Variants in ZNF521 observed in about 807,000 individuals in gnomAD.
ZNF521 encodes the protein zinc finger protein 521, also known as LYST-interacting protein 3.
A neutral mutation model predicts 105.5 loss-of-function variants in ZNF521; 14 were observed. The ratio of observed to expected loss-of-function variants is 0.13; its 90% CI spans 0.09 to 0.21. The LOEUF (loss-of-function observed/expected upper bound fraction) is 0.21, where lower values mean the gene tolerates loss of function less well. Ranked by LOEUF, ZNF521 falls within the 10% of genes least tolerant of loss-of-function variation. ZNF521 has a pLI of 1.00. For missense variants in ZNF521, 1,233 were observed against 1,629.7 expected, an observed-to-expected ratio of 0.76 and a Z score of 4.19; for synonymous variants, 635 against 606.0, an observed-to-expected ratio of 1.05 and a Z score of -0.70.
At chr18:25,163,511 C>T (rs1274392681) in intron 5 of ZNF521, among the ~76,000 whole-genome samples, 9 of 152,130 alleles carry the variant, frequency 5.9e-5, no homozygotes, top group Admixed American at 5.2e-4. Context: ...AGTGTGAGGG[C>T]TGCAGAGCAG....
intron 3 of ZNF521, among the ~76,000 whole-genome samples, chr18:25,238,899 A>G (rs968956614): frequency 6.6e-6 from 1 of 152,048 alleles, no homozygotes; most frequent in African/African-American, 2.4e-5. Flanking sequence ...TTTTTTAGCA[A>G]GTTTCCTGAG....
chr18:25,068,864 A>C (rs1346743739), intron 7 of ZNF521, among the ~76,000 whole-genome samples: 1 of 152,184 alleles, frequency 6.6e-6, no homozygotes, highest in Non-Finnish European at 1.5e-5. Flanking sequence ...ACACAAAGCG[A>C]GCTGGGCACC....
At chr18:25,170,198 A>G (rs540210781) in intron 5 of ZNF521, among the ~76,000 whole-genome samples, 1 of 152,222 alleles carries the variant, frequency 6.6e-6, no homozygotes. Flanking sequence ...TCAAGTCACA[A>G]AACCAACCTT....
intron 6 of ZNF521, among the ~76,000 whole-genome samples, chr18:25,090,645 C>T (rs2033724369): frequency 1.3e-5 from 2 of 152,156 alleles, no homozygotes; most frequent in Admixed American, 1.3e-4. Context: ...TCCGTATCAA[C>T]AAGAAGAAAT....
chr18:25,152,743 T>C (rs554287619), intron 5 of ZNF521, among the ~76,000 whole-genome samples: 2 of 152,306 alleles, frequency 1.3e-5, no homozygotes, highest in Non-Finnish European at 2.9e-5. Flanking sequence ...TGCAGATAGG[T>C]CTGAGATCTG....
chr18:25,282,380 C>T (rs1009615167), intron 3 of ZNF521, among the ~76,000 whole-genome samples: 28 of 152,110 alleles, frequency 1.8e-4, no homozygotes, highest in African/African-American at 6.0e-4. Context: ...ACCAGTGCGT[C>T]GGGCCACTAG....
intron 4 of ZNF521, among the ~76,000 whole-genome samples, chr18:25,199,544 C>A (rs2035957461): frequency 1.3e-5 from 2 of 151,778 alleles, no homozygotes; most frequent in African/African-American, 4.8e-5. Flanking sequence ...GAGATGCATA[C>A]TGAGTATTTA....
intron 5 of ZNF521, among the ~76,000 whole-genome samples, chr18:25,170,020 A>G (rs2035419193): frequency 6.6e-6 from 1 of 152,158 alleles, no homozygotes; most frequent in Non-Finnish European, 1.5e-5. Context: ...CCCAATAAAC[A>G]TTATTCTGAT....
chr18:25,171,078 A>C (rs2035441280), intron 5 of ZNF521, among the ~76,000 whole-genome samples: 1 of 152,188 alleles, frequency 6.6e-6, no homozygotes, highest in Non-Finnish European at 1.5e-5. Flanking sequence ...ATTGTGCTAC[A>C]GAATTCATAT....
At chr18:25,185,187 A>C (rs1183349828) in intron 5 of ZNF521, among the ~76,000 whole-genome samples, 4 of 152,226 alleles carry the variant, frequency 2.6e-5, no homozygotes, top group Admixed American at 6.5e-5. Flanking sequence ...ATAGTTGACC[A>C]TTTTGACTAC....
intron 5 of ZNF521, among the ~76,000 whole-genome samples, chr18:25,153,560 C>T (rs1278666902): frequency 2.0e-5 from 3 of 152,170 alleles, no homozygotes; most frequent in Non-Finnish European, 1.5e-5. Context: ...CCCAGTCTGG[C>T]TAGGTCTTTG....
intron 5 of ZNF521, among the ~76,000 whole-genome samples, chr18:25,122,051 A>G (rs9964181): frequency 8.9e-4 from 136 of 152,332 alleles, no homozygotes; most frequent in African/African-American, 3.0e-3. Flanking sequence ...TAAAAAAGCT[A>G]TAACTACATT....
chr18:25,186,452 T>C (rs564855085), intron 5 of ZNF521, among the ~76,000 whole-genome samples: 2 of 152,190 alleles, frequency 1.3e-5, no homozygotes, highest in Admixed American at 6.6e-5. Flanking sequence ...ACAAAATGAC[T>C]TGGAATAACA....
At chr18:25,212,565 A>ATATATATGTG (rs1227568202) in intron 4 of ZNF521, among the ~76,000 whole-genome samples, 3 of 112,882 alleles carry the variant, frequency 2.7e-5, no homozygotes, top group African/African-American at 3.6e-5. Context: ...ATATATATAT[A>ATATATATGTG]TGTATAGAAA....
At chr18:25,247,197 C>G (rs1039252308) in intron 3 of ZNF521, among the ~76,000 whole-genome samples, 1 of 152,124 alleles carries the variant, frequency 6.6e-6, no homozygotes, top group Non-Finnish European at 1.5e-5. Flanking sequence ...GGGAGAGGCA[C>G]ACATGTAAAC....
chr18:25,080,962 G>A (rs1428502691), intron 7 of ZNF521, among the ~76,000 whole-genome samples: 1 of 152,242 alleles, frequency 6.6e-6, no homozygotes, highest in East Asian at 1.9e-4. Context: ...CAAAGGCGCT[G>A]AGACAGAGCT....
chr18:25,215,345 T>G (rs2036261435), intron 4 of ZNF521, among the ~76,000 whole-genome samples: 1 of 152,166 alleles, frequency 6.6e-6, no homozygotes, highest in Admixed American at 6.5e-5. Flanking sequence ...AAATACAAAG[T>G]ACATGTACTA....
At chr18:25,292,346 C>A (rs964640621) in intron 3 of ZNF521, among the ~76,000 whole-genome samples, 7 of 152,202 alleles carry the variant, frequency 4.6e-5, no homozygotes, top group African/African-American at 1.7e-4. Context: ...CAGTCACCAT[C>A]TGTACCATGT....
chr18:25,117,042 C>T (rs1343727982), intron 5 of ZNF521, among the ~76,000 whole-genome samples: 49 of 97,374 alleles, frequency 5.0e-4, no homozygotes, highest in Middle Eastern at 6.0e-3. Context: ...TACACACACA[C>T]ACACATATAT....
Sources: allele counts gnomAD v4.1 joint callset (sites outside exome capture counted in the v4.1 genomes callset), GRCh38; gene constraint gnomAD v4.1.1; transcripts MANE v1.5; gene names NCBI Gene and HGNC (gene_info 2026-07-23, HGNC 2026-07-21).